Variants in MACROD2 observed in about 807,000 individuals in gnomAD.
MACROD2 encodes ADP-ribose glycohydrolase MACROD2.
Under a neutral mutation model 70.4 loss-of-function variants are expected in MACROD2, and 36 were observed. The ratio of observed to expected loss-of-function variants is 0.51; its 90% CI spans 0.39 to 0.68. The LOEUF (loss-of-function observed/expected upper bound fraction) is 0.68. Ranked by LOEUF, MACROD2 falls within the 30% of genes least tolerant of loss-of-function variation. MACROD2 has a pLI of 0.00. For synonymous variants in MACROD2, 172 were observed against 178.8 expected (o/e 0.96, Z 0.30); for missense variants, 496 against 538.4 (o/e 0.92, Z 0.78).
intron 5 of MACROD2, among the ~76,000 whole-genome samples, chr20:14,985,548 TA>T (rs1359781983): frequency 3.3e-5 from 5 of 152,108 alleles, no homozygotes; most frequent in Non-Finnish European, 1.5e-5. Context: ...GGGCTACTCA[TA>T]AAAGGCTAAC....
intron 5 of MACROD2, among the ~76,000 whole-genome samples, chr20:14,873,748 A>G (rs1349035659): frequency 2.0e-5 from 3 of 152,060 alleles, no homozygotes; most frequent in African/African-American, 7.2e-5. Flanking sequence ...AATCCCAGCT[A>G]CTCAGGAGGC....
At chr20:15,989,897 A>G (rs1032519370) in intron 15 of MACROD2, among the ~76,000 whole-genome samples, 2 of 152,074 alleles carry the variant, frequency 1.3e-5, no homozygotes, top group Non-Finnish European at 2.9e-5. Flanking sequence ...AGCATTTTAT[A>G]AGATTAGAAA....
At chr20:16,017,973 C>A (rs988914391) in intron 15 of MACROD2, among the ~76,000 whole-genome samples, 5 of 151,090 alleles carry the variant, frequency 3.3e-5, no homozygotes, top group African/African-American at 9.7e-5. Flanking sequence ...AATTCATAGT[C>A]ACTGCCCCAC....
intron 5 of MACROD2, among the ~76,000 whole-genome samples, chr20:14,753,014 A>G (rs932885940): frequency 6.6e-6 from 1 of 151,940 alleles, no homozygotes; most frequent in African/African-American, 2.4e-5. Context: ...CTGGCTCCCC[A>G]TTGTTTGAGG....
At chr20:15,148,998 G>C (rs1358230942) in intron 5 of MACROD2, among the ~76,000 whole-genome samples, 2 of 152,004 alleles carry the variant, frequency 1.3e-5, no homozygotes, top group Non-Finnish European at 2.9e-5. Flanking sequence ...TCTGACAGAA[G>C]GGAAGAAGTG....
chr20:15,050,053 A>G (rs1000388549), intron 5 of MACROD2, among the ~76,000 whole-genome samples: 1 of 152,150 alleles, frequency 6.6e-6, no homozygotes, highest in African/African-American at 2.4e-5. Context: ...GCATGTTTTC[A>G]TAAACCTACA....
rs549115179 is a variant in MACROD2 at position 15,329,182 on chromosome 20, A to G, written c.540+99121A>G. On this transcript the variant is annotated intron_variant, in intron 6 of 17. Coordinates refer to ENST00000684519, the MANE Select transcript of MACROD2 (RefSeq NM_001351661.2). ...CTCTGTATTTACCCTTCTTCCATCC[A>G]CCATTTTCAAATTATTTTATGAAGT... Among the ~76,000 whole-genome samples the G allele has an allele frequency of 5.9e-5, 9 of 152,256 alleles. No individual in the cohort carries two copies. In the East Asian group the frequency reaches 1.4e-3, roughly 23 times the overall value.
intron 3 of MACROD2, among the ~76,000 whole-genome samples, chr20:14,397,987 T>C (rs1248694329): frequency 6.6e-6 from 1 of 152,204 alleles, no homozygotes; most frequent in African/African-American, 2.4e-5. Flanking sequence ...GAACATGTGT[T>C]ACCTTTCTGT....
intron 8 of MACROD2, among the ~76,000 whole-genome samples, chr20:15,831,560 A>G (rs1012139009): frequency 6.6e-6 from 1 of 152,148 alleles, no homozygotes; most frequent in East Asian, 1.9e-4. Context: ...TTTTGTGCCT[A>G]TTCCTTTCAT....
intron 5 of MACROD2, among the ~76,000 whole-genome samples, chr20:14,874,712 T>G (rs1458631702): frequency 7.2e-6 from 1 of 137,978 alleles, no homozygotes; most frequent in Non-Finnish European, 1.6e-5. Context: ...TTTATTTATT[T>G]ATTTATTTTT....
At position 14,460,510 on chromosome 20, in the gene MACROD2, C is replaced by T. The variant is rs147189889; in HGVS notation, c.272-32969C>T. ...AGCTTTTTTTCATATGTTTGTTGGC[C>T]GCATAAATGTCTTCTTTTGAGAAGT... On this transcript the variant is annotated intron_variant, in intron 3 of 17. Transcript: ENST00000684519. Among the ~76,000 whole-genome samples, 1,068 of 151,974 alleles carry T rather than the reference C, an allele frequency of 7.0e-3. 8 individuals carry two copies. Among genetic ancestry groups the T allele is most frequent in the Non-Finnish European group, 0.011 (716 of 67,950 alleles).
intron 5 of MACROD2, among the ~76,000 whole-genome samples, chr20:15,137,230 A>G (rs1311647956): frequency 6.6e-6 from 1 of 151,640 alleles, no homozygotes; most frequent in Admixed American, 6.6e-5. Flanking sequence ...AAGGACTGTA[A>G]ATCATGCTGC....
intron 15 of MACROD2, among the ~76,000 whole-genome samples, chr20:15,989,813 G>A (rs2066533823): frequency 8.7e-6 from 1 of 115,260 alleles, no homozygotes; most frequent in Non-Finnish European, 1.8e-5. Context: ...TTTTAAGGAG[G>A]CAGAAAGTGA....
chr20:14,742,808 C>T (rs1402071942), intron 5 of MACROD2, among the ~76,000 whole-genome samples: 3 of 151,204 alleles, frequency 2.0e-5, no homozygotes, highest in Non-Finnish European at 2.9e-5. Flanking sequence ...ACTCTGTCGC[C>T]CAGGCTGGAG....
In MACROD2 at chr20:16,049,816, C is replaced by G. The variant is rs747251943; in HGVS notation, c.1301-14C>G. 8 of 1,613,236 alleles carry G rather than the reference C, an allele frequency of 5.0e-6. No individual in the cohort carries two copies. The highest frequency in any genetic ancestry group is 6.8e-6 in the Non-Finnish European group (8 of 1,179,492). On this transcript the variant is annotated splice_polypyrimidine_tract_variant and intron_variant, in intron 17 of 17. Coordinates refer to ENST00000684519, the MANE Select transcript of MACROD2 (RefSeq NM_001351661.2). ...TTATCTTTAATCTAACAAATGGCTT[C>G]TCTTTGTCTTCAGCAGGGGCACAAG...
In MACROD2 at chr20:15,073,092, T is replaced by C. The variant is rs527762701; in HGVS notation, c.419-156848T>C. On this transcript the variant is annotated intron_variant, in intron 5 of 17. Transcript: ENST00000684519. Reference sequence around the variant, plus strand: ...AAGCTAGCACCTTGATATTGGACTTTCCAGCCTCTAGAACTGTGAGAAATG... The same window carrying C: ...AAGCTAGCACCTTGATATTGGACTTCCCAGCCTCTAGAACTGTGAGAAATG... Among the ~76,000 whole-genome samples the C allele has an allele frequency of 2.9e-3, 439 of 152,234 alleles. 4 individuals carry two copies. The highest frequency in any genetic ancestry group is 5.1e-3 in the Non-Finnish European group (348 of 68,008).
chr20:14,796,094 A>C (rs543039790), intron 5 of MACROD2, among the ~76,000 whole-genome samples: 5 of 152,096 alleles, frequency 3.3e-5, no homozygotes, highest in Non-Finnish European at 5.9e-5. Context: ...GATAGGAAGG[A>C]ATAATAATCA....
chr20:14,036,425 C>G (rs2053311110), intron 2 of MACROD2, among the ~76,000 whole-genome samples: 1 of 152,156 alleles, frequency 6.6e-6, no homozygotes. Context: ...GGAGTCTGCA[C>G]TGTTAACAAG....
chr20:15,696,096 A>G (rs1241923066), intron 8 of MACROD2, among the ~76,000 whole-genome samples: 1 of 152,122 alleles, frequency 6.6e-6, no homozygotes. Flanking sequence ...AGAAGTGGTG[A>G]GAGTGGGCAT....
Sources: gnomAD v4.1 joint callset for allele counts (sites outside exome capture counted in the v4.1 genomes callset) on GRCh38, gnomAD v4.1.1 for gene constraint, MANE v1.5 for transcripts, NCBI Gene and HGNC (gene_info 2026-07-23, HGNC 2026-07-21) for gene names.